The following EEFSEC variants were observed in gnomAD, a reference collection of about 807,000 sequenced individuals.
EEFSEC encodes the protein selenocysteine-specific elongation factor.
In EEFSEC, 43 loss-of-function variants were observed where a neutral mutation model predicts 42.1. The observed-to-expected ratio is 1.02, with a 90% CI of 0.80 to 1.32. EEFSEC has a LOEUF of 1.32. Ranked by LOEUF, EEFSEC falls within the 40% of genes most tolerant of loss-of-function variation. The pLI is 0.00. For missense variants in EEFSEC, 745 were observed against 803.6 expected (o/e 0.93, Z 0.88); for synonymous variants, 354 against 339.1 (o/e 1.04, Z -0.48).
At chr3:128,303,114 T>A (rs1348945135) in intron 4 of EEFSEC, among the ~76,000 whole-genome samples, 2 of 152,266 alleles carry the variant, frequency 1.3e-5, no homozygotes, top group East Asian at 1.9e-4. Context: ...TGCATTTTTT[T>A]AAACATTATT....
At chr3:128,253,888 A>G (rs2066214508) in intron 2 of EEFSEC, among the ~76,000 whole-genome samples, 1 of 152,192 alleles carries the variant, frequency 6.6e-6, no homozygotes, top group Non-Finnish European at 1.5e-5. Context: ...CTTTGGAGCA[A>G]TGAGTGGCCC....
chr3:128,295,607 T>C (rs1227719733), intron 4 of EEFSEC, among the ~76,000 whole-genome samples: 1 of 151,168 alleles, frequency 6.6e-6, no homozygotes, highest in Admixed American at 6.6e-5. Flanking sequence ...TTTTTTTTTT[T>C]TTTTTAAATC....
At chr3:128,391,472 A>G (rs1238242744) in intron 6 of EEFSEC, among the ~76,000 whole-genome samples, 1 of 152,142 alleles carries the variant, frequency 6.6e-6, no homozygotes, top group Non-Finnish European at 1.5e-5. Context: ...CATCTGGGGA[A>G]GGCAGGGAGG....
At chr3:128,260,555 T>C (rs539550280) in intron 2 of EEFSEC, among the ~76,000 whole-genome samples, 72 of 152,154 alleles carry the variant, frequency 4.7e-4, no homozygotes, top group Non-Finnish European at 8.8e-4. Context: ...GCATTGTGAG[T>C]AGGGCCTTCC....
At chr3:128,424,798 A>G in the EEFSEC span, among the ~76,000 whole-genome samples, 1 of 152,118 alleles carries the variant, frequency 6.6e-6, no homozygotes, top group Non-Finnish European at 1.5e-5. Flanking sequence ...GCACGCAACA[A>G]AGTGAATGGA....
chr3:128,272,198 C>T (rs1347277456), intron 4 of EEFSEC, among the ~76,000 whole-genome samples: 2 of 152,212 alleles, frequency 1.3e-5, no homozygotes, highest in Non-Finnish European at 2.9e-5. Context: ...TTTTCTCCTT[C>T]AAATCCAAGA....
intron 1 of EEFSEC, among the ~76,000 whole-genome samples, chr3:128,177,367 C>G (rs996149455): frequency 6.6e-6 from 1 of 151,858 alleles, no homozygotes; most frequent in Admixed American, 6.6e-5. Flanking sequence ...TGGGGGTGTC[C>G]TCCTTTCAAT....
At chr3:128,397,185 C>T (rs1341467850) in intron 6 of EEFSEC, among the ~76,000 whole-genome samples, 1 of 152,250 alleles carries the variant, frequency 6.6e-6, no homozygotes, top group Non-Finnish European at 1.5e-5. Flanking sequence ...TGTCTCTTGC[C>T]ATCCTCCCTC....
At chr3:128,162,796 G>A (rs1311307037) in intron 1 of EEFSEC, among the ~76,000 whole-genome samples, 1 of 152,154 alleles carries the variant, frequency 6.6e-6, no homozygotes, top group Non-Finnish European at 1.5e-5. Context: ...ATAATGCAAA[G>A]ACTCTGGCTT....
chr3:128,272,107 A>C (rs1372019611), intron 4 of EEFSEC, among the ~76,000 whole-genome samples: 2 of 152,178 alleles, frequency 1.3e-5, no homozygotes, highest in African/African-American at 4.8e-5. Flanking sequence ...TGGCTCCAGA[A>C]CTGGCTCTGC....
intron 4 of EEFSEC, among the ~76,000 whole-genome samples, chr3:128,302,099 T>A (rs1305370114): frequency 1.3e-5 from 2 of 152,180 alleles, no homozygotes; most frequent in African/African-American, 4.8e-5. Flanking sequence ...TTCCTCCACT[T>A]CCTAGTGGAT....
At chr3:128,381,767 C>T (rs1168140094) in intron 6 of EEFSEC, among the ~76,000 whole-genome samples, 1 of 152,190 alleles carries the variant, frequency 6.6e-6, no homozygotes, top group Non-Finnish European at 1.5e-5. Context: ...GCAGGAAATG[C>T]AGGGCACTTC....
At chr3:128,196,278 C>G (rs940257215) in intron 1 of EEFSEC, among the ~76,000 whole-genome samples, 1 of 152,190 alleles carries the variant, frequency 6.6e-6, no homozygotes, top group African/African-American at 2.4e-5. Context: ...AAGAAACACA[C>G]GATTTTCCTT....
At chr3:128,254,978 TGA>T (rs1279295672) in intron 2 of EEFSEC, among the ~76,000 whole-genome samples, 1 of 152,088 alleles carries the variant, frequency 6.6e-6, no homozygotes, top group East Asian at 1.9e-4. Flanking sequence ...CAGTGACTGA[TGA>T]GAGACATCAG....
At chr3:128,226,541 T>C (rs1183390632) in intron 1 of EEFSEC, among the ~76,000 whole-genome samples, 1 of 152,226 alleles carries the variant, frequency 6.6e-6, no homozygotes, top group Non-Finnish European at 1.5e-5. Flanking sequence ...CGTAGCCCCC[T>C]GCTGTGTCCT....
At chr3:128,368,840 G>A (rs972559770) in intron 6 of EEFSEC, among the ~76,000 whole-genome samples, 8 of 152,348 alleles carry the variant, frequency 5.3e-5, no homozygotes, top group East Asian at 1.9e-4. Context: ...AGCCTGACAC[G>A]TGCCGGAGTC....
At position 128,387,772 on chromosome 3, in the gene EEFSEC, T is replaced by A. The variant is rs72977368; in HGVS notation, c.1601-20297T>A. On this transcript the variant is annotated intron_variant, in intron 6 of 6. Coordinates refer to ENST00000254730, the MANE Select transcript of EEFSEC (RefSeq NM_021937.5). Reference sequence around the variant, plus strand: ...AAAGGAATGTGCACCTATGGAGTCCTGCGCGCATATGGAGGCCCACTCAAA... The same window carrying A: ...AAAGGAATGTGCACCTATGGAGTCCAGCGCGCATATGGAGGCCCACTCAAA... Among the ~76,000 whole-genome samples, 141 of 152,058 alleles carry A rather than the reference T, an allele frequency of 9.3e-4. 1 individual carries two copies. Among genetic ancestry groups the A allele is most frequent in the African/African-American group, 3.3e-3 (137 of 41,446 alleles).
chr3:128,260,770 T>G (rs2066288220), intron 2 of EEFSEC, among the ~76,000 whole-genome samples: 1 of 152,230 alleles, frequency 6.6e-6, no homozygotes. Flanking sequence ...TCTTCTTGAA[T>G]AAACACTCCA....
intron 1 of EEFSEC, among the ~76,000 whole-genome samples, chr3:128,223,617 C>T (rs576161715): frequency 6.6e-6 from 1 of 152,246 alleles, no homozygotes; most frequent in Admixed American, 6.5e-5. Context: ...AAGAGTGTAC[C>T]TTTAAGTAAC....
Sources: allele counts gnomAD v4.1 joint callset (sites outside exome capture counted in the v4.1 genomes callset), GRCh38; gene constraint gnomAD v4.1.1; transcripts MANE v1.5; gene names NCBI Gene and HGNC (gene_info 2026-07-23, HGNC 2026-07-21).